Variants in NCALD observed in about 807,000 individuals in gnomAD.
NCALD encodes the protein neurocalcin delta.
A neutral mutation model predicts 18.6 loss-of-function variants in NCALD; 10 were observed. The observed-to-expected ratio is 0.54, with a 90% CI of 0.33 to 0.91. The LOEUF (loss-of-function observed/expected upper bound fraction) is 0.91, where lower values mean the gene tolerates loss of function less well. Ranked by LOEUF, NCALD falls within the 40% of genes least tolerant of loss-of-function variation. The probability of loss-of-function intolerance (pLI) is 0.03; values close to 1 mark genes in which losing one functional copy is unlikely to be tolerated. For synonymous variants in NCALD, 88 were observed against 87.4 expected, an observed-to-expected ratio of 1.01 and a Z score of -0.04; for missense variants, 184 against 247.6, an observed-to-expected ratio of 0.74 and a Z score of 1.72.
rs749792437 is a variant in NCALD at position 101,688,260 on chromosome 8, C to G, written c.*1049G>C. 1 of 189,354 alleles carries G rather than the reference C, an allele frequency of 5.3e-6. No homozygotes were observed. Among genetic ancestry groups the G allele is most frequent in the Non-Finnish European group, 1.1e-5 (1 of 89,958 alleles). 11.7% of individuals were successfully genotyped at this position (189,354 alleles called of 1,614,324 possible). ...CCTGTGCTCCAATTGTCCTGTCCCA[C>G]TACCACCTGCTCTGCATCTGCCCTC... On this transcript the variant is annotated 3_prime_UTR_variant, in exon 4 of 4. Transcript: ENST00000220931.
In NCALD at chr8:101,884,258, C is replaced by G. The variant is rs537829287; in HGVS notation, c.-20+2883G>C. On this transcript the variant is annotated intron_variant, in intron 4 of 6. Coordinates refer to the NCALD transcript ENST00000311028. The stretch of plus-strand genomic sequence containing the variant: ...ACCTGCATTTTATAGTCTCATAGTT[C>G]CTTGTTTTTGCTGTTGTTGTTTTCT... Among the ~76,000 whole-genome samples the G allele has an allele frequency of 7.9e-5, 12 of 152,218 alleles. No homozygotes were observed. In the South Asian group the frequency reaches 2.5e-3, roughly 32 times the overall value.
chr8:101,799,355 T>C (rs28837777), intron 4 of NCALD, among the ~76,000 whole-genome samples: 120,517 of 152,184 alleles, frequency 0.79, 47,846 homozygotes, highest in African/African-American at 0.83. Flanking sequence ...AAAGATACTA[T>C]GAAAAACAAT....
At chr8:102,008,096 A>C (rs890833695) in intron 2 of NCALD, among the ~76,000 whole-genome samples, 2 of 152,250 alleles carry the variant, frequency 1.3e-5, no homozygotes, top group African/African-American at 4.8e-5. Context: ...TGGGATAAGC[A>C]GAGGTGAAAA....
At chr8:102,115,861 C>G (rs1825765931) in intron 1 of NCALD, among the ~76,000 whole-genome samples, 1 of 152,122 alleles carries the variant, frequency 6.6e-6, no homozygotes, top group Non-Finnish European at 1.5e-5. Flanking sequence ...GCTCTTTTTC[C>G]CATTCATTTC....
chr8:102,116,171 T>C (rs1825778694), intron 1 of NCALD, among the ~76,000 whole-genome samples: 1 of 152,090 alleles, frequency 6.6e-6, no homozygotes, highest in Non-Finnish European at 1.5e-5. Flanking sequence ...GATGAGTTAA[T>C]GGGTGCAGCA....
intron 1 of NCALD, among the ~76,000 whole-genome samples, chr8:102,026,400 T>C (rs149133791): frequency 1.3e-5 from 2 of 152,272 alleles, no homozygotes; most frequent in African/African-American, 2.4e-5. Context: ...CCATTCCAAA[T>C]GGGAGAAATT....
At chr8:101,731,807 T>C (rs1734096295) in intron 1 of NCALD, among the ~76,000 whole-genome samples, 1 of 152,152 alleles carries the variant, frequency 6.6e-6, no homozygotes, top group African/African-American at 2.4e-5. Context: ...TTGCCAGCAA[T>C]TGGAGGGGTA....
intron 3 of NCALD, among the ~76,000 whole-genome samples, chr8:101,907,814 T>C (rs1469407575): frequency 6.6e-6 from 1 of 152,214 alleles, no homozygotes; most frequent in Non-Finnish European, 1.5e-5. Context: ...ATTACATTTC[T>C]GTAACAAGAT....
intron 1 of NCALD, among the ~76,000 whole-genome samples, chr8:101,773,075 A>G (rs182110349): frequency 1.3e-5 from 2 of 152,288 alleles, no homozygotes; most frequent in East Asian, 3.9e-4. Flanking sequence ...CCCAAGCTTC[A>G]GTCACAAAGC....
At chr8:101,888,807 A>G (rs961900523) in intron 3 of NCALD, among the ~76,000 whole-genome samples, 8 of 152,188 alleles carry the variant, frequency 5.3e-5, no homozygotes, top group African/African-American at 1.9e-4. Flanking sequence ...CAGTGTATGA[A>G]GCACTCTTCC....
intron 1 of NCALD, among the ~76,000 whole-genome samples, chr8:101,776,982 T>C (rs547523958): frequency 1.3e-5 from 2 of 152,238 alleles, no homozygotes; most frequent in Admixed American, 6.5e-5. Flanking sequence ...TTTCTTTGGA[T>C]GAATTAATAA....
intron 2 of NCALD, among the ~76,000 whole-genome samples, chr8:101,989,779 C>A (rs1027992854): frequency 1.3e-5 from 2 of 152,224 alleles, no homozygotes; most frequent in African/African-American, 4.8e-5. Flanking sequence ...GCTGTGGTAT[C>A]TGTAAGTGCC....
chr8:101,709,702 GAC>G (rs1815697001), intron 2 of NCALD, among the ~76,000 whole-genome samples: 2 of 152,144 alleles, frequency 1.3e-5, no homozygotes, highest in Admixed American at 1.3e-4. Context: ...CCCTTCCTCA[GAC>G]ACACAGCCTG....
chr8:101,848,720 T>G (rs961955703), intron 4 of NCALD, among the ~76,000 whole-genome samples: 2 of 152,200 alleles, frequency 1.3e-5, no homozygotes, highest in African/African-American at 2.4e-5. Flanking sequence ...TTCAATTTTT[T>G]GCATGTATCT....
Position 101,689,024 on chromosome 8 carries a change from A to C in NCALD, c.*285T>G. 1 of 699,342 alleles carries C rather than the reference A, an allele frequency of 1.4e-6. No homozygotes were observed. The highest frequency in any genetic ancestry group is 2.6e-6 in the Non-Finnish European group (1 of 384,126). The allele number at this position is 699,342 out of a possible 1,614,324, so 43.3% of individuals were successfully genotyped here. ...ACCCCCGAGTCTTACGTTTTAGAAC[A>C]GAGACATTAGAATAAAAAAAAATAA... is the stretch of plus-strand genomic sequence containing the variant. On this transcript the variant is annotated 3_prime_UTR_variant, in exon 4 of 4. Coordinates refer to ENST00000220931, the MANE Select transcript of NCALD (RefSeq NM_032041.3). The surrounding 1 kb of genome is among the most constrained non-coding windows in gnomAD (Gnocchi z 4.4).
intron 3 of NCALD, among the ~76,000 whole-genome samples, chr8:101,898,471 C>T (rs955150337): frequency 6.6e-6 from 1 of 152,080 alleles, no homozygotes; most frequent in Non-Finnish European, 1.5e-5. Flanking sequence ...TTCTTTTCAT[C>T]CTTCTAACAC....
At chr8:101,716,312 C>A (rs747197917) in intron 2 of NCALD, among the ~76,000 whole-genome samples, 9 of 151,766 alleles carry the variant, frequency 5.9e-5, no homozygotes, top group African/African-American at 1.7e-4. Context: ...CACACCGGGG[C>A]CTGTTGGGGG....
intron 1 of NCALD, among the ~76,000 whole-genome samples, chr8:101,739,192 C>T (rs938803800): frequency 2.0e-5 from 3 of 152,034 alleles, no homozygotes; most frequent in African/African-American, 7.2e-5. Context: ...CAATTCTCCC[C>T]ACCATGTCCT....
chr8:102,076,580 A>G (rs1587028613), intron 1 of NCALD, among the ~76,000 whole-genome samples: 1 of 150,740 alleles, frequency 6.6e-6, no homozygotes, highest in South Asian at 2.1e-4. Flanking sequence ...GAAGCTCAAA[A>G]TGACTCTCCA....
Sources: allele counts gnomAD v4.1 joint callset (sites outside exome capture counted in the v4.1 genomes callset), GRCh38; gene constraint gnomAD v4.1.1; non-coding constraint Gnocchi (gnomAD v3.1); transcripts MANE v1.5; gene names NCBI Gene and HGNC (gene_info 2026-07-23, HGNC 2026-07-21).